The following SCD5 variants were observed in gnomAD, a reference collection of about 807,000 sequenced individuals.
SCD5 encodes the protein stearoyl-CoA desaturase 5, also known as acyl-CoA-desaturase 4.
In SCD5, 20 loss-of-function variants were observed where a neutral mutation model predicts 30.4. The observed-to-expected ratio is 0.66, with a 90% confidence interval of 0.46 to 0.96. The LOEUF is 0.96. Ranked by LOEUF, SCD5 falls within the 40% of genes least tolerant of loss-of-function variation. SCD5 has a pLI of 0.00. For synonymous variants in SCD5, 173 were observed against 176.4 expected (o/e 0.98, Z 0.16); for missense variants, 381 against 443.3 (o/e 0.86, Z 1.26).
At chr4:82,770,404 G>C (rs1036434212) in intron 1 of SCD5, among the ~76,000 whole-genome samples, 4 of 152,122 alleles carry the variant, frequency 2.6e-5, no homozygotes. Context: ...AAGCCCTAAG[G>C]GTTGATGAGT....
chr4:82,660,330 C>T (rs1262027474), intron 3 of SCD5: 1 of 422,658 alleles, frequency 2.4e-6, no homozygotes, highest in Admixed American at 5.9e-5. Flanking sequence ...ACCTAACAGA[C>T]ATCTATGGAA....
chr4:82,758,102 A>T (rs1284233086), intron 1 of SCD5, among the ~76,000 whole-genome samples: 1 of 152,154 alleles, frequency 6.6e-6, no homozygotes, highest in Non-Finnish European at 1.5e-5. Flanking sequence ...GACTCTGGAG[A>T]CGTTCAGAGG....
At chr4:82,793,621 T>C (rs1233652493) in intron 1 of SCD5, among the ~76,000 whole-genome samples, 2 of 152,168 alleles carry the variant, frequency 1.3e-5, no homozygotes, top group Non-Finnish European at 2.9e-5. Context: ...GGGGCCAGTA[T>C]TAGGACCAAT....
chr4:82,683,371 G>A (rs993182193), intron 2 of SCD5, among the ~76,000 whole-genome samples: 3 of 152,130 alleles, frequency 2.0e-5, no homozygotes, highest in African/African-American at 7.2e-5. Flanking sequence ...TTTTATTGTA[G>A]TGCCCATGTG....
At chr4:82,721,055 A>T (rs13120976) in intron 1 of SCD5, among the ~76,000 whole-genome samples, 1 of 152,078 alleles carries the variant, frequency 6.6e-6, no homozygotes, top group Admixed American at 6.6e-5. Flanking sequence ...AGCTACTCAG[A>T]GAGGCTGAGG....
chr4:82,752,273 T>TTTTA (rs1553919177), intron 1 of SCD5, among the ~76,000 whole-genome samples: 1 of 145,634 alleles, frequency 6.9e-6, no homozygotes, highest in African/African-American at 2.5e-5. Flanking sequence ...TTTTAAAAAA[T>TTTTA]TATATATATA....
intron 1 of SCD5, among the ~76,000 whole-genome samples, chr4:82,774,323 A>C (rs1303032157): frequency 6.6e-6 from 1 of 152,166 alleles, no homozygotes. Flanking sequence ...ATCCACATCT[A>C]TGGACATGAA....
Position 82,653,702 on chromosome 4 carries a change from A to ATAGATAGATAGATAGATAGATAGATAGG in SCD5, c.570-16880_570-16879insCCTATCTATCTATCTATCTATCTATCTA, listed in dbSNP as rs1409252100. ...GATAGATAGATAGATAGATAGATAG[A>ATAGATAGATAGATAGATAGATAGATAGG]TAGATATAGATAGATAGATAGATAT... is the stretch of plus-strand genomic sequence containing the variant. On this transcript the variant is annotated intron_variant, in intron 3 of 4. Transcript: ENST00000319540. Among the ~76,000 whole-genome samples, 38 of 122,534 alleles carry ATAGATAGATAGATAGATAGATAGATAGG rather than the reference A, an allele frequency of 3.1e-4. 2 individuals are homozygous for ATAGATAGATAGATAGATAGATAGATAGG. The highest frequency in any genetic ancestry group is 1.1e-3 in the African/African-American group (38 of 33,228). 80.4% of individuals were successfully genotyped at this position (122,534 alleles called of 152,430 possible). A position where few individuals can be genotyped will look rare whatever the true frequency, so the allele number is the denominator to read the frequency against.
At chr4:82,651,514 T>C (rs1727749820) in intron 3 of SCD5, among the ~76,000 whole-genome samples, 1 of 152,132 alleles carries the variant, frequency 6.6e-6, no homozygotes, top group African/African-American at 2.4e-5. Context: ...AAGTACAGTG[T>C]ACACTGCTTG....
chr4:82,778,539 T>A (rs1474063078), intron 1 of SCD5, among the ~76,000 whole-genome samples: 1 of 152,196 alleles, frequency 6.6e-6, no homozygotes, highest in African/African-American at 2.4e-5. Context: ...TCCTGGCCAG[T>A]GGGCCTCAAC....
intron 1 of SCD5, among the ~76,000 whole-genome samples, chr4:82,788,366 G>A (rs1431307996): frequency 6.6e-6 from 1 of 152,102 alleles, no homozygotes; most frequent in Non-Finnish European, 1.5e-5. Context: ...ACCAAGGGAC[G>A]CATGACACAA....
intron 1 of SCD5, among the ~76,000 whole-genome samples, chr4:82,713,971 C>G (rs13133525): frequency 0.31 from 46,876 of 152,084 alleles, 8,762 homozygotes; most frequent in Non-Finnish European, 0.41. Context: ...CCTGGGTACT[C>G]TATGATCGCT....
At chr4:82,771,223 C>T (rs1429673924) in intron 1 of SCD5, among the ~76,000 whole-genome samples, 4 of 152,182 alleles carry the variant, frequency 2.6e-5, no homozygotes, top group Admixed American at 2.6e-4. Context: ...CCTGCCTCAG[C>T]CTCCTAAAGT....
At chr4:82,713,761 C>A (rs28418879) in intron 1 of SCD5, among the ~76,000 whole-genome samples, 57,829 of 151,956 alleles carry the variant, frequency 0.38, 11,473 homozygotes, top group Middle Eastern at 0.49. Context: ...TTGGGCTTTA[C>A]TATTACCCAG....
In SCD5 at chr4:82,631,405, C is replaced by G. The variant is rs780441660; in HGVS notation, c.915G>C (p.Gly305=). The G allele has an allele frequency of 1.9e-6, 3 of 1,614,088 alleles. No homozygotes were observed. Among genetic ancestry groups the G allele is most frequent in the East Asian group, 2.2e-5 (1 of 44,870 alleles). The part of the protein sequence containing the change: ...TWFIDFMCWL[G]LATDRKRATK... ...TTGCCCGTTTGCGGTCAGTGGCCAGCCCCAGCCAGCACATGAAATCAATGA... is the reference window on the plus strand; with the variant it reads ...TTGCCCGTTTGCGGTCAGTGGCCAGGCCCAGCCAGCACATGAAATCAATGA... The change falls in exon 5 of 5, where the codon GGG becomes GGC. Residue 305 remains glycine (G), a synonymous_variant. Coordinates refer to ENST00000319540, the MANE Select transcript of SCD5 (RefSeq NM_001037582.3).
chr4:82,670,557 G>C (rs61207081), intron 3 of SCD5, among the ~76,000 whole-genome samples: 1,770 of 151,946 alleles, frequency 0.012, 37 homozygotes, highest in African/African-American at 0.041. Flanking sequence ...GCAACAAATA[G>C]AAAATAGTAA....
intron 3 of SCD5, among the ~76,000 whole-genome samples, chr4:82,677,519 C>T (rs931728829): frequency 2.0e-4 from 31 of 152,308 alleles, no homozygotes; most frequent in African/African-American, 7.2e-4. Context: ...TCCTCTCCAC[C>T]GTCTAACTGG....
chr4:82,680,137 C>T (rs1048761269), intron 3 of SCD5, among the ~76,000 whole-genome samples: 1 of 152,314 alleles, frequency 6.6e-6, no homozygotes, highest in East Asian at 1.9e-4. Context: ...CAAATGCTGG[C>T]CGACTGGGTA....
intron 4 of SCD5, among the ~76,000 whole-genome samples, chr4:82,635,619 T>TA (rs3972726): frequency 0.042 from 4,825 of 114,454 alleles, 249 homozygotes; most frequent in Middle Eastern, 0.1. Flanking sequence ...GACTCCGTCT[T>TA]AAAAAAAAAA....
Sources: gnomAD v4.1 joint callset for allele counts (sites outside exome capture counted in the v4.1 genomes callset) on GRCh38, gnomAD v4.1.1 for gene constraint, MANE v1.5 for transcripts, NCBI Gene and HGNC (gene_info 2026-07-23, HGNC 2026-07-21) for gene names.